CPPED1: variants seen among roughly 807,000 people sequenced by gnomAD.
The protein encoded by CPPED1 is calcineurin like phosphoesterase domain containing 1.
A neutral mutation model predicts 28.0 loss-of-function variants in CPPED1; 28 were observed. That is an observed-to-expected ratio of 1.00 (90% CI 0.74 to 1.37). The LOEUF (loss-of-function observed/expected upper bound fraction) is 1.37, where lower values mean the gene tolerates loss of function less well. CPPED1 is among the 40% of genes most tolerant of loss of function. The pLI, the probability that CPPED1 is intolerant of heterozygous loss-of-function variation, is 0.00. For missense variants in CPPED1, 504 were observed against 416.5 expected (o/e 1.21, Z -1.83); for synonymous variants, 198 against 180.2 (o/e 1.10, Z -0.79).
At chr16:12,786,513 G>T (rs2080564217) in intron 1 of CPPED1, among the ~76,000 whole-genome samples, 1 of 152,174 alleles carries the variant, frequency 6.6e-6, no homozygotes, top group Non-Finnish European at 1.5e-5. Flanking sequence ...CTCTGCCTAT[G>T]TACAGGTCAT....
chr16:12,724,918 C>CG (rs1324588211), intron 2 of CPPED1, among the ~76,000 whole-genome samples: 1 of 151,988 alleles, frequency 6.6e-6, no homozygotes, highest in African/African-American at 2.4e-5. Flanking sequence ...TCCCGAGTAG[C>CG]TGGGACTACA....
chr16:12,702,841 G>A (rs1395489482), intron 3 of CPPED1, among the ~76,000 whole-genome samples: 8 of 151,748 alleles, frequency 5.3e-5, no homozygotes, highest in Non-Finnish European at 1.2e-4. Context: ...TGGCCAAACT[G>A]TCTCTACTAA....
chr16:12,681,616 G>C (rs1392679428), intron 3 of CPPED1, among the ~76,000 whole-genome samples: 1 of 152,134 alleles, frequency 6.6e-6, no homozygotes, highest in African/African-American at 2.4e-5. Context: ...TGGGAGATGG[G>C]GATGGCACAG....
intron 3 of CPPED1, among the ~76,000 whole-genome samples, chr16:12,693,189 C>A (rs1318175301): frequency 4.1e-4 from 62 of 152,258 alleles, no homozygotes; most frequent in Non-Finnish European, 2.9e-5. Context: ...GTCTGGCACC[C>A]AGGAGGCTTC....
rs750421490 is a variant in CPPED1 at position 12,704,887 on chromosome 16, A to C, written c.452T>G (p.Phe151Cys). 11 of 1,614,152 alleles carry C rather than the reference A, an allele frequency of 6.8e-6. No individual in the cohort carries two copies. The highest frequency in any genetic ancestry group is 9.3e-6 in the Non-Finnish European group (11 of 1,180,010). Residue 151 changes from phenylalanine (F) to cysteine (C), a missense_variant, in exon 3 of 4, where the codon TTC becomes TGC. Coordinates refer to ENST00000381774, the MANE Select transcript of CPPED1 (RefSeq NM_018340.3). ...CAGGACGCCCCCGACCCAGAAGCTG[A>C]AGTAGTCATCTCCCCAAGTCCGGCA... ...EFCRTWGDDY[F>C]SFWVGGVLFL...
chr16:12,735,670 T>C lies in CPPED1; in HGVS notation c.290-30621A>G, dbSNP rs185072981. On this transcript the variant is annotated intron_variant, in intron 2 of 3. Coordinates refer to ENST00000381774, the MANE Select transcript of CPPED1 (RefSeq NM_018340.3). Reference sequence around the variant, plus strand: ...TATACCACCTGCTTCATAGGATTGTTATGAAGATTCAGTAAGTTCGTCTCT... The same window carrying C: ...TATACCACCTGCTTCATAGGATTGTCATGAAGATTCAGTAAGTTCGTCTCT... 5.6e-3 allele frequency among the ~76,000 whole-genome samples: 859 copies of C among 152,318 alleles called. 5 individuals carry two copies. The highest frequency in any genetic ancestry group is 0.031 in the Middle Eastern group (9 of 294).
intron 2 of CPPED1, among the ~76,000 whole-genome samples, chr16:12,751,706 C>T (rs575007981): frequency 1.9e-4 from 29 of 152,220 alleles, no homozygotes; most frequent in Non-Finnish European, 3.8e-4. Flanking sequence ...TGCCCTTATC[C>T]CTAACTAAAA....
chr16:12,692,522 C>T (rs1450640869), intron 3 of CPPED1, among the ~76,000 whole-genome samples: 1 of 152,162 alleles, frequency 6.6e-6, no homozygotes, highest in East Asian at 1.9e-4. Flanking sequence ...CATCTGATCC[C>T]CACAAAACCC....
intron 1 of CPPED1, 44 bp downstream of exon 1, chr16:12,803,663 C>A: frequency 7.0e-7 from 1 of 1,421,738 alleles, no homozygotes; most frequent in Admixed American, 3.2e-5. Flanking sequence ...GCGGAAGGTT[C>A]CGCAGCCCCA....
At chr16:12,790,188 G>C (rs1284106333) in intron 1 of CPPED1, among the ~76,000 whole-genome samples, 1 of 152,146 alleles carries the variant, frequency 6.6e-6, no homozygotes, top group African/African-American at 2.4e-5. Context: ...CCAATATCCT[G>C]CCTGAAAGAC....
intron 1 of CPPED1, among the ~76,000 whole-genome samples, chr16:12,794,908 C>T (rs1249206222): frequency 6.6e-6 from 1 of 152,226 alleles, no homozygotes; most frequent in East Asian, 1.9e-4. Context: ...ACTAAGAAAG[C>T]AGATGGGCTG....
chr16:12,722,053 T>C (rs1335146948), intron 2 of CPPED1, among the ~76,000 whole-genome samples: 1 of 152,128 alleles, frequency 6.6e-6, no homozygotes, highest in Non-Finnish European at 1.5e-5. Context: ...TGCTGCTTAG[T>C]TAAAGAAAAT....
intron 2 of CPPED1, among the ~76,000 whole-genome samples, chr16:12,777,775 A>T (rs181770762): frequency 5.0e-4 from 76 of 152,002 alleles, no homozygotes; most frequent in South Asian, 3.5e-3. Flanking sequence ...AGCATCTAAC[A>T]CTGTAATTGG....
chr16:12,754,435 C>T (rs2080351535), intron 2 of CPPED1, among the ~76,000 whole-genome samples: 1 of 152,154 alleles, frequency 6.6e-6, no homozygotes, highest in Admixed American at 6.5e-5. Flanking sequence ...AAAGCAGTCA[C>T]ATTTAATACA....
At chr16:12,714,691 C>T (rs1419952741) in intron 2 of CPPED1, among the ~76,000 whole-genome samples, 3 of 152,138 alleles carry the variant, frequency 2.0e-5, no homozygotes, top group Non-Finnish European at 4.4e-5. Flanking sequence ...ATTATGAATA[C>T]CAGATCTTTA....
intron 2 of CPPED1, among the ~76,000 whole-genome samples, chr16:12,749,114 T>C (rs1262117296): frequency 6.6e-6 from 1 of 152,146 alleles, no homozygotes; most frequent in Non-Finnish European, 1.5e-5. Flanking sequence ...AAGACAACCA[T>C]GAAGTTGTCT....
At chr16:12,699,938 A>G (rs2080011540) in intron 3 of CPPED1, among the ~76,000 whole-genome samples, 1 of 152,154 alleles carries the variant, frequency 6.6e-6, no homozygotes, top group Non-Finnish European at 1.5e-5. Context: ...TGTTGTTGTG[A>G]CCTGAGCCGC....
chr16:12,792,470 A>G (rs975358736), intron 1 of CPPED1, among the ~76,000 whole-genome samples: 2 of 152,138 alleles, frequency 1.3e-5, no homozygotes, highest in African/African-American at 4.8e-5. Context: ...GCCCATAAAC[A>G]TCAACAATGC....
At chr16:12,758,829 C>CGATGAT (rs56848342) in intron 2 of CPPED1, among the ~76,000 whole-genome samples, 2,594 of 151,658 alleles carry the variant, frequency 0.017, 85 homozygotes, top group African/African-American at 0.06. Context: ...TAATAAGACA[C>CGATGAT]GATGATGATG....
Sources: allele counts gnomAD v4.1 joint callset (sites outside exome capture counted in the v4.1 genomes callset), GRCh38; gene constraint gnomAD v4.1.1; transcripts MANE v1.5; gene names NCBI Gene and HGNC (gene_info 2026-07-23, HGNC 2026-07-21).